The following ARHGEF38 variants were observed in gnomAD, a reference collection of about 807,000 sequenced individuals.
ARHGEF38 encodes Rho guanine nucleotide exchange factor (GEF) 38.
ARHGEF38 carries 79 observed loss-of-function variants against 79.9 expected under a neutral mutation model. That is an observed-to-expected ratio of 0.99 (90% confidence interval 0.82 to 1.19). The LOEUF (loss-of-function observed/expected upper bound fraction) is 1.19, where lower values mean the gene tolerates loss of function less well. ARHGEF38 is among the 50% of genes most tolerant of loss of function. The pLI is 0.00. For missense variants in ARHGEF38, 962 were observed against 907.2 expected (o/e 1.06, Z -0.78); for synonymous variants, 366 against 328.3 (o/e 1.11, Z -1.24).
chr4:105,680,740 C>A lies in ARHGEF38; in HGVS notation c.*2803C>A, dbSNP rs1357934371. The A allele has an allele frequency of 6.6e-6, 1 of 151,848 alleles. No homozygotes were observed. The highest frequency in any genetic ancestry group is 1.5e-5 in the Non-Finnish European group (1 of 68,002). The allele number at this position is 151,848 out of a possible 1,614,324, so 9.4% of individuals were successfully genotyped here. A position where few individuals can be genotyped will look rare whatever the true frequency, so the allele number is the denominator to read the frequency against. Reference sequence around the variant, plus strand: ...GTGCACACATTATCTATACAAAGAGCCATACTCAGTGAAAGATAAATTACC... The same window carrying A: ...GTGCACACATTATCTATACAAAGAGACATACTCAGTGAAAGATAAATTACC... On this transcript the variant is annotated 3_prime_UTR_variant, in exon 14 of 14. Transcript: ENST00000420470.
chr4:105,602,203 G>C (rs893146243), intron 2 of ARHGEF38, among the ~76,000 whole-genome samples: 12 of 152,192 alleles, frequency 7.9e-5, no homozygotes, highest in Admixed American at 7.2e-4. Flanking sequence ...CTAACATAGG[G>C]TAAGTTTAAA....
intron 1 of ARHGEF38, among the ~76,000 whole-genome samples, chr4:105,586,328 C>G (rs2110450535): frequency 6.6e-6 from 1 of 151,030 alleles, no homozygotes; most frequent in Non-Finnish European, 1.5e-5. Flanking sequence ...AAAGAGCAAA[C>G]AAAGATATCT....
chr4:105,579,162 T>C (rs1472655942), intron 1 of ARHGEF38, among the ~76,000 whole-genome samples: 1 of 152,198 alleles, frequency 6.6e-6, no homozygotes, highest in Non-Finnish European at 1.5e-5. Flanking sequence ...TGGGGTTTCC[T>C]AGATATGGAA....
chr4:105,573,619 G>A (rs1726342520), intron 1 of ARHGEF38, among the ~76,000 whole-genome samples: 1 of 152,020 alleles, frequency 6.6e-6, no homozygotes, highest in Admixed American at 6.6e-5. Flanking sequence ...TTGATTTCCT[G>A]TAACTTTGTA....
chr4:105,664,099 C>A (rs72669995), intron 10 of ARHGEF38, among the ~76,000 whole-genome samples: 6,538 of 152,202 alleles, frequency 0.043, 197 homozygotes, highest in Middle Eastern at 0.13. Context: ...GCTGCAATGA[C>A]CATAGGTGTG....
At chr4:105,623,205 C>T (rs1289713851) in intron 3 of ARHGEF38, among the ~76,000 whole-genome samples, 2 of 152,150 alleles carry the variant, frequency 1.3e-5, no homozygotes, top group Non-Finnish European at 2.9e-5. Context: ...TAACTATTTG[C>T]TGAATGGATG....
chr4:105,562,855 G>T (rs2110404586), intron 1 of ARHGEF38, among the ~76,000 whole-genome samples: 1 of 152,302 alleles, frequency 6.6e-6, no homozygotes. Flanking sequence ...GGGAAGAAAA[G>T]GGAAGGACAT....
chr4:105,578,583 A>G (rs1436757592), intron 1 of ARHGEF38, among the ~76,000 whole-genome samples: 2 of 152,066 alleles, frequency 1.3e-5, no homozygotes, highest in Non-Finnish European at 2.9e-5. Context: ...TTTTATGAAG[A>G]TGGGAGCTCC....
rs1314045538 is a variant in ARHGEF38 at position 105,600,211 on chromosome 4, A to G, written c.384+10776A>G. Among the ~76,000 whole-genome samples, 4 of 152,364 alleles carry G rather than the reference A, an allele frequency of 2.6e-5. 1 individual carries two copies. In the South Asian group the frequency reaches 8.3e-4, roughly 32 times the overall value. ...TATAATGTGGCCAAGAAAATGACTC[A>G]TAAACATATAAAACACAAATAACAA... On this transcript the variant is annotated intron_variant, in intron 2 of 13. Coordinates refer to ENST00000420470, the MANE Select transcript of ARHGEF38 (RefSeq NM_001242729.2).
At chr4:105,580,195 T>A (rs1290574801) in intron 1 of ARHGEF38, among the ~76,000 whole-genome samples, 1 of 152,208 alleles carries the variant, frequency 6.6e-6, no homozygotes, top group Non-Finnish European at 1.5e-5. Flanking sequence ...ATCTTTTGAA[T>A]GGTTTTCATG....
chr4:105,641,071 C>T (rs1044488267), intron 5 of ARHGEF38, among the ~76,000 whole-genome samples: 3 of 151,996 alleles, frequency 2.0e-5, no homozygotes, highest in African/African-American at 7.2e-5. Flanking sequence ...CTTTGTTTTA[C>T]CTTTCTGTGA....
intron 1 of ARHGEF38, chr4:105,569,819 G>A (rs1726128505): frequency 6.6e-6 from 1 of 152,164 alleles, no homozygotes; most frequent in Admixed American, 6.5e-5. Flanking sequence ...AAGAGAAAAT[G>A]CAAAACAAAC....
In ARHGEF38 at chr4:105,679,074, C is replaced by T. The variant is rs747087317; in HGVS notation, c.*1137C>T. On this transcript the variant is annotated 3_prime_UTR_variant, in exon 14 of 14. Coordinates refer to ENST00000420470, the MANE Select transcript of ARHGEF38 (RefSeq NM_001242729.2). The stretch of plus-strand genomic sequence containing the variant: ...CTCAGTCAAAACTCCATTTGTGGCC[C>T]CCACTTCTTGATCTATTTCTGTTCC... The T allele has an allele frequency of 3.0e-4, 147 of 483,628 alleles. No homozygotes were observed. Among genetic ancestry groups the T allele is most frequent in the Non-Finnish European group, 4.5e-4 (136 of 302,524 alleles). 30.0% of individuals were successfully genotyped at this position (483,628 alleles called of 1,614,324 possible). A position where few individuals can be genotyped will look rare whatever the true frequency, so the allele number is the denominator to read the frequency against.
At chr4:105,572,983 ATTAG>A (rs1316354018) in intron 1 of ARHGEF38, among the ~76,000 whole-genome samples, 1 of 152,110 alleles carries the variant, frequency 6.6e-6, no homozygotes, top group East Asian at 1.9e-4. Context: ...TTCCCTCATG[ATTAG>A]TGATGCTGAG....
intron 5 of ARHGEF38, among the ~76,000 whole-genome samples, chr4:105,640,104 A>C (rs1016653514): frequency 6.6e-6 from 1 of 151,982 alleles, no homozygotes; most frequent in Admixed American, 6.6e-5. Context: ...TGTAGAAGAC[A>C]AGAATTTATT....
intron 2 of ARHGEF38, among the ~76,000 whole-genome samples, chr4:105,610,243 G>T (rs1171378977): frequency 6.6e-6 from 1 of 151,820 alleles, no homozygotes; most frequent in Non-Finnish European, 1.5e-5. Flanking sequence ...TTAGAGGATG[G>T]GTTAATAGGT....
Position 105,573,286 on chromosome 4 carries a change from G to A in ARHGEF38, c.197-15962G>A, listed in dbSNP as rs146816278. ...TTCAGAAAAGAAGAAAAAAGCCTGA[G>A]CCTTTGTCATATCCAAGAAATTACT... On this transcript the variant is annotated intron_variant, in intron 1 of 13. Transcript: ENST00000420470. 7.9e-5 allele frequency among the ~76,000 whole-genome samples: 12 copies of A among 152,154 alleles called. No individual in the cohort carries two copies. The East Asian group carries it at 1.9e-3, about 24-fold the overall frequency.
Position 105,636,436 on chromosome 4 carries a change from A to G in ARHGEF38, c.674+16A>G. ...ACATGCAAGAGTAAGTACTTTTTAA[A>G]ATAATATAAATCAAATATAAAAATC... On this transcript the variant is annotated intron_variant, in intron 5 of 13. Coordinates refer to ENST00000420470, the MANE Select transcript of ARHGEF38 (RefSeq NM_001242729.2). 1 of 405,150 alleles carries G rather than the reference A, an allele frequency of 2.5e-6. No individual in the cohort carries two copies. The highest frequency in any genetic ancestry group is 3.8e-6 in the Non-Finnish European group (1 of 263,276). 25.1% of individuals were successfully genotyped at this position (405,150 alleles called of 1,614,324 possible).
At chr4:105,617,777 G>T (rs1456879751) in intron 3 of ARHGEF38, among the ~76,000 whole-genome samples, 1 of 152,046 alleles carries the variant, frequency 6.6e-6, no homozygotes, top group African/African-American at 2.4e-5. Context: ...GTATCCCTAT[G>T]AAAACAAGGA....
Sources: allele counts gnomAD v4.1 joint callset (sites outside exome capture counted in the v4.1 genomes callset), GRCh38; gene constraint gnomAD v4.1.1; transcripts MANE v1.5; gene names NCBI Gene and HGNC (gene_info 2026-07-23, HGNC 2026-07-21).